The following ALCAM variants were observed in gnomAD, a reference collection of about 807,000 sequenced individuals.
The protein encoded by ALCAM is CD166 antigen.
A neutral mutation model predicts 70.9 loss-of-function variants in ALCAM; 30 were observed. That is an observed-to-expected ratio of 0.42 (90% CI 0.32 to 0.57). The LOEUF is 0.57. ALCAM is among the 20% of genes least tolerant of loss of function. The pLI is 0.11. For missense variants in ALCAM, 591 were observed against 695.1 expected, an observed-to-expected ratio of 0.85 and a Z score of 1.68; for synonymous variants, 249 against 242.5, an observed-to-expected ratio of 1.03 and a Z score of -0.25.
At chr3:105,510,285 C>G (rs1939204015) in intron 1 of ALCAM, among the ~76,000 whole-genome samples, 1 of 151,960 alleles carries the variant, frequency 6.6e-6, no homozygotes, top group Non-Finnish European at 1.5e-5. Context: ...TCGGGGTATC[C>G]GTGAGCTATA....
At chr3:105,409,877 G>C (rs1229745363) in intron 1 of ALCAM, among the ~76,000 whole-genome samples, 1 of 151,794 alleles carries the variant, frequency 6.6e-6, no homozygotes, top group Non-Finnish European at 1.5e-5. Context: ...TTCAACAAAA[G>C]GTACAAAAAT....
At position 105,571,882 on chromosome 3, in the gene ALCAM, C is replaced by T. The variant is rs1004203501; in HGVS notation, c.1695C>T (p.Leu565=). The T allele has an allele frequency of 1.9e-6, 3 of 1,613,004 alleles. No homozygotes were observed. Among genetic ancestry groups the T allele is most frequent in the South Asian group, 1.1e-5 (1 of 90,994 alleles). ...CATCAAAACATGTAAACAAGGACCT[C>T]GGTAATATGGAAGAAAACAAAAAGT... The part of the protein sequence containing the change: ...KTASKHVNKD[L]GNMEENKKLE... Residue 565 remains leucine, a synonymous_variant, in exon 15 of 16, where the codon CTC becomes CTT. Transcript: ENST00000306107.
At chr3:105,458,892 T>C (rs1937567735) in intron 1 of ALCAM, among the ~76,000 whole-genome samples, 1 of 152,148 alleles carries the variant, frequency 6.6e-6, no homozygotes, top group Non-Finnish European at 1.5e-5. Flanking sequence ...TCATTACCCT[T>C]CTAATCCAAC....
At chr3:105,413,223 T>C (rs1649100531) in intron 1 of ALCAM, among the ~76,000 whole-genome samples, 1 of 152,104 alleles carries the variant, frequency 6.6e-6, no homozygotes, top group South Asian at 2.1e-4. Context: ...AATTAATTAG[T>C]GAATTAAGTG....
rs537629904 is a variant in ALCAM at position 105,570,598 on chromosome 3, T to C, written c.1665-1254T>C. 1.1e-4 allele frequency among the ~76,000 whole-genome samples: 17 copies of C among 152,140 alleles called. 2 individuals carry two copies. The highest frequency in any genetic ancestry group is 8.3e-4 in the South Asian group (4 of 4,818). The stretch of plus-strand genomic sequence containing the variant: ...ACACATGTCTAAGCTATGTATAGAA[T>C]TGAAATTCCAGAAGAATGAAAGAGC... On this transcript the variant is annotated intron_variant, in intron 14 of 15. Transcript: ENST00000306107.
At chr3:105,534,623 G>A in intron 5 of ALCAM, 40 bp from the exon 6 acceptor site, 3 of 1,583,918 alleles carry the variant, frequency 1.9e-6, no homozygotes, top group Admixed American at 3.3e-5. Flanking sequence ...GTGATTGTCA[G>A]ATGAAAGACC....
intron 1 of ALCAM, among the ~76,000 whole-genome samples, chr3:105,381,772 AT>A (rs1935526835): frequency 6.6e-6 from 1 of 151,832 alleles, no homozygotes; most frequent in Admixed American, 6.6e-5. Context: ...CCCAGTGATC[AT>A]ATTTTAAGAA....
At chr3:105,447,888 A>T (rs541841511) in intron 1 of ALCAM, among the ~76,000 whole-genome samples, 1 of 152,332 alleles carries the variant, frequency 6.6e-6, no homozygotes, top group South Asian at 2.1e-4. Context: ...GGCTATACCT[A>T]TTTTTCTTTC....
intron 1 of ALCAM, among the ~76,000 whole-genome samples, chr3:105,477,173 A>G (rs1938142836): frequency 6.6e-6 from 1 of 152,014 alleles, no homozygotes; most frequent in Non-Finnish European, 1.5e-5. Context: ...ACTAATACAA[A>G]TGTATATGTA....
chr3:105,403,667 A>G (rs1438458576), intron 1 of ALCAM, among the ~76,000 whole-genome samples: 1 of 152,030 alleles, frequency 6.6e-6, no homozygotes, highest in African/African-American at 2.4e-5. Context: ...TAATACGACA[A>G]AAGAGGTTTC....
chr3:105,429,954 G>GCC (rs1487256601), intron 1 of ALCAM, among the ~76,000 whole-genome samples: 1 of 151,846 alleles, frequency 6.6e-6, no homozygotes, highest in Admixed American at 6.6e-5. Context: ...AGTAATGAAA[G>GCC]TTAAACAAAC....
intron 1 of ALCAM, among the ~76,000 whole-genome samples, chr3:105,426,606 C>G (rs1936797037): frequency 6.6e-6 from 1 of 151,804 alleles, no homozygotes; most frequent in South Asian, 2.1e-4. Flanking sequence ...CAGACCTTAT[C>G]CCTCCTATCT....
At chr3:105,488,851 T>G (rs1938504361) in intron 1 of ALCAM, among the ~76,000 whole-genome samples, 7 of 152,174 alleles carry the variant, frequency 4.6e-5, no homozygotes, top group Non-Finnish European at 2.9e-5. Context: ...TTCACCTTGT[T>G]GGACTCCCGT....
intron 1 of ALCAM, among the ~76,000 whole-genome samples, chr3:105,379,964 C>T (rs1432119796): frequency 6.6e-6 from 1 of 151,696 alleles, no homozygotes; most frequent in Non-Finnish European, 1.5e-5. Flanking sequence ...GAGAAACATA[C>T]TTTAATACAC....
intron 15 of ALCAM, among the ~76,000 whole-genome samples, chr3:105,572,479 A>G (rs1312725999): frequency 6.6e-6 from 1 of 152,148 alleles, no homozygotes. Context: ...AATCCAGTCG[A>G]TCACTGATGG....
intron 1 of ALCAM, among the ~76,000 whole-genome samples, chr3:105,416,060 C>G (rs1185917703): frequency 6.6e-6 from 1 of 152,038 alleles, no homozygotes; most frequent in African/African-American, 2.4e-5. Context: ...TCCTTGTCCC[C>G]AAATTCAGCC....
intron 14 of ALCAM, among the ~76,000 whole-genome samples, chr3:105,568,783 T>G (rs1940798756): frequency 6.6e-6 from 1 of 152,206 alleles, no homozygotes; most frequent in Non-Finnish European, 1.5e-5. Flanking sequence ...CTACTTTATT[T>G]TTGTCACTCT....
chr3:105,557,351 C>T, intron 14 of ALCAM, among the ~76,000 whole-genome samples: 1 of 151,990 alleles, frequency 6.6e-6, no homozygotes, highest in East Asian at 1.9e-4. Context: ...TGTGGAAATG[C>T]CAGAGTCTCC....
At chr3:105,551,048 T>C (rs1202041217) in intron 12 of ALCAM, among the ~76,000 whole-genome samples, 1 of 151,578 alleles carries the variant, frequency 6.6e-6, no homozygotes, top group East Asian at 1.9e-4. Context: ...TGCCAAACTT[T>C]TATTCTTCAT....
Sources: allele counts gnomAD v4.1 joint callset (sites outside exome capture counted in the v4.1 genomes callset), GRCh38; gene constraint gnomAD v4.1.1; transcripts MANE v1.5; gene names NCBI Gene and HGNC (gene_info 2026-07-23, HGNC 2026-07-21).